The following TBC1D16 variants were observed in gnomAD, a reference collection of about 807,000 sequenced individuals.
TBC1D16 encodes TBC1 domain family member 16.
TBC1D16 carries 58 observed loss-of-function variants against 74.7 expected under a neutral mutation model. The ratio of observed to expected loss-of-function variants is 0.78; its 90% CI spans 0.63 to 0.97. The LOEUF is 0.97. Among genes scored for constraint, TBC1D16 ranks in the 50% least tolerant of loss-of-function variants. The pLI is 0.00. For missense variants in TBC1D16, 1,014 were observed against 1,079.5 expected, an observed-to-expected ratio of 0.94 and a Z score of 0.85; for synonymous variants, 493 against 474.7, an observed-to-expected ratio of 1.04 and a Z score of -0.50.
intron 1 of TBC1D16, among the ~76,000 whole-genome samples, chr17:80,016,860 G>T (rs1028950248): frequency 8.5e-5 from 13 of 152,176 alleles, no homozygotes; most frequent in Admixed American, 3.9e-4. Flanking sequence ...GTTCCAGCCA[G>T]CCCAGGAGTG....
intron 3 of TBC1D16, among the ~76,000 whole-genome samples, chr17:79,977,440 C>T (rs1195848042): frequency 6.6e-6 from 1 of 152,226 alleles, no homozygotes; most frequent in African/African-American, 2.4e-5. Flanking sequence ...TTCCCAGCAT[C>T]TGCAACCCAC....
At chr17:79,978,249 C>A (rs1464950015) in intron 3 of TBC1D16, among the ~76,000 whole-genome samples, 3 of 152,242 alleles carry the variant, frequency 2.0e-5, no homozygotes, top group Non-Finnish European at 4.4e-5. Flanking sequence ...CGGCACACTC[C>A]CAGAGCCAGA....
At chr17:80,020,626 C>A (rs2036252478) in intron 1 of TBC1D16, among the ~76,000 whole-genome samples, 1 of 149,736 alleles carries the variant, frequency 6.7e-6, no homozygotes, top group South Asian at 2.1e-4. Context: ...TAAATGCCAA[C>A]CCTCCATCTT....
At chr17:80,002,650 C>T (rs886651914) in intron 3 of TBC1D16, among the ~76,000 whole-genome samples, 5 of 152,270 alleles carry the variant, frequency 3.3e-5, no homozygotes, top group African/African-American at 9.6e-5. Context: ...CACCTTCCAT[C>T]CTCCCAGGAA....
At chr17:79,998,330 G>GTT (rs200641869) in intron 3 of TBC1D16, among the ~76,000 whole-genome samples, 4 of 149,486 alleles carry the variant, frequency 2.7e-5, no homozygotes, top group Non-Finnish European at 1.5e-5. Flanking sequence ...TCAGACTGGT[G>GTT]TTTTTTGTTT....
rs1264980065 is a variant in TBC1D16, at chr17:79,939,406, G to A, written c.*1453C>T. 1 of 152,260 alleles carries A rather than the reference G, an allele frequency of 6.6e-6. No individual in the cohort carries two copies. Among genetic ancestry groups the A allele is most frequent in the Admixed American group, 6.5e-5 (1 of 15,290 alleles). 9.4% of individuals were successfully genotyped at this position (152,260 alleles called of 1,614,324 possible). A position where few individuals can be genotyped will look rare whatever the true frequency, so the allele number is the denominator to read the frequency against. On this transcript the variant is annotated 3_prime_UTR_variant, in exon 12 of 12. Transcript: ENST00000310924. ...TGGTGACCTCCGCTTTCCTGCTGAG[G>A]AACACTGCTTTGAAGTGGCATGGCC...
At position 80,009,625 on chromosome 17, in the gene TBC1D16, GAA is replaced by G. The variant is rs2144659853; in HGVS notation, c.779+533_779+534del. ...CTACATCCATCCTCCACAGCTATGA[GAA>G]AGAGGGAGGCTGAAGCCTCCGGGGA... On this transcript the variant is annotated intron_variant, in intron 3 of 11. Coordinates refer to ENST00000310924, the MANE Select transcript of TBC1D16 (RefSeq NM_019020.4). The surrounding 1 kb of genome is among the most constrained non-coding windows in gnomAD (Gnocchi z 5.4). Among the ~76,000 whole-genome samples, 1 of 152,338 alleles carries G rather than the reference GAA, an allele frequency of 6.6e-6. No homozygotes were observed. Among genetic ancestry groups the G allele is most frequent in the Admixed American group, 6.5e-5 (1 of 15,304 alleles).
intron 1 of TBC1D16, among the ~76,000 whole-genome samples, chr17:80,034,004 C>G (rs1229321307): frequency 6.6e-6 from 1 of 152,224 alleles, no homozygotes; most frequent in Non-Finnish European, 1.5e-5. Flanking sequence ...TCTGTCACTC[C>G]TAACTGCATG....
chr17:79,966,681 G>A (rs1408366625), intron 3 of TBC1D16, among the ~76,000 whole-genome samples: 1 of 152,126 alleles, frequency 6.6e-6, no homozygotes, highest in African/African-American at 2.4e-5. Flanking sequence ...AAACTTATCA[G>A]TCTTTTTTTT....
rs2034904747 is a variant in TBC1D16, at chr17:79,987,910, A to T, written c.779+22250T>A. On this transcript the variant is annotated intron_variant, in intron 3 of 11. Transcript: ENST00000310924. The surrounding 1 kb of genome is among the most constrained non-coding windows in gnomAD (Gnocchi z 5.2). ...GGTGCTGGGAGATGCAGAGGCTCAG[A>T]AAAACCCTCCGAGGCTCTCGGATTT... is the stretch of plus-strand genomic sequence containing the variant. Among the ~76,000 whole-genome samples the T allele has an allele frequency of 2.0e-5, 3 of 152,066 alleles. No homozygotes were observed. The South Asian group carries it at 6.2e-4, about 31-fold the overall frequency.
At position 79,947,810 on chromosome 17, in the gene TBC1D16, G is replaced by A. The variant is rs147074461; in HGVS notation, c.1563C>T (p.Ala521=). The change falls in exon 9 of 12, where the codon GCC becomes GCT. Residue 521 remains alanine (A), a synonymous_variant. Transcript: ENST00000310924. The part of the protein sequence containing the change: ...ESMRRILLNY[A]VYNPAVGYSQ... ...AATAGCCGACGGCAGGGTTGTACAC[G>A]GCGTAGTTCAGCAGGATCCTCCTGG... 128 of 1,613,398 alleles carry A rather than the reference G, an allele frequency of 7.9e-5. No individual in the cohort carries two copies. In the African/African-American group the frequency reaches 1.1e-3, roughly 14 times the overall value.
At position 79,971,699 on chromosome 17, in the gene TBC1D16, G is replaced by A. The variant is rs2034110850; in HGVS notation, c.780-18881C>T. Reference sequence around the variant, plus strand: ...TCAACTTCTCTCAAGGAAGACCTGAGGAAGCTGGTGCCCGACCCACCAGGA... The same window carrying A: ...TCAACTTCTCTCAAGGAAGACCTGAAGAAGCTGGTGCCCGACCCACCAGGA... On this transcript the variant is annotated intron_variant, in intron 3 of 11. Coordinates refer to ENST00000310924, the MANE Select transcript of TBC1D16 (RefSeq NM_019020.4). This position sits in a 1 kb window ranked among gnomAD's most constrained non-coding sequence, Gnocchi z 4.6. 1.3e-5 allele frequency among the ~76,000 whole-genome samples: 2 copies of A among 152,200 alleles called. No individual in the cohort carries two copies. Among genetic ancestry groups the A allele is most frequent in the African/African-American group, 2.4e-5 (1 of 41,444 alleles).
intron 3 of TBC1D16, among the ~76,000 whole-genome samples, chr17:79,998,533 G>A (rs960615551): frequency 2.3e-5 from 1 of 44,360 alleles, no homozygotes; most frequent in Admixed American, 2.5e-4. Flanking sequence ...TTTTTTTTTT[G>A]TAGAGACAAG....
chr17:79,942,294 G>C, intron 10 of TBC1D16, 88 bp from the exon 11 acceptor site: 1 of 1,403,486 alleles, frequency 7.1e-7, no homozygotes, highest in Non-Finnish European at 9.7e-7. Context: ...GGGTGCGAGT[G>C]AGGGCTCCAG....
chr17:80,017,046 T>C (rs2036112947), intron 1 of TBC1D16, among the ~76,000 whole-genome samples: 1 of 151,958 alleles, frequency 6.6e-6, no homozygotes, highest in Non-Finnish European at 1.5e-5. Flanking sequence ...ATCTCAACCG[T>C]CTCCAGGGCC....
rs889837559 is a variant in TBC1D16 at position 80,030,761 on chromosome 17, G to GGGCAGA, written c.-63+5028_-63+5033dup. Among the ~76,000 whole-genome samples, 3 of 152,214 alleles carry GGGCAGA rather than the reference G, an allele frequency of 2.0e-5. No individual in the cohort carries two copies. In the South Asian group the frequency reaches 6.2e-4, roughly 32 times the overall value. On this transcript the variant is annotated intron_variant, in intron 1 of 11. Coordinates refer to ENST00000310924, the MANE Select transcript of TBC1D16 (RefSeq NM_019020.4). ...GCCCATGCCCACTAGTGACAGGCAGGGGCAGAGGCAGAGGCAGGCAGGGTG... is the reference window on the plus strand; with the variant it reads ...GCCCATGCCCACTAGTGACAGGCAGGGGCAGAGGCAGAGGCAGAGGCAGGCAGGGTG...
In TBC1D16 at chr17:80,019,283, G is replaced by T. The variant is rs191452280; in HGVS notation, c.-62-5674C>A. On this transcript the variant is annotated intron_variant, in intron 1 of 11. Coordinates refer to ENST00000310924, the MANE Select transcript of TBC1D16 (RefSeq NM_019020.4). ...AGGCAGAACCTCACTGTGGCTCTGC[G>T]AGGTGCGTCCCAACAGTGCAGCTTT... Among the ~76,000 whole-genome samples, 542 of 150,024 alleles carry T rather than the reference G, an allele frequency of 3.6e-3. 8 individuals carry two copies. The highest frequency in any genetic ancestry group is 6.8e-3 in the Middle Eastern group (2 of 294).
In TBC1D16 at chr17:80,010,478, G is replaced by A; in HGVS notation, c.461C>T (p.Ala154Val). Residue 154 changes from alanine to valine, a missense_variant, in exon 3 of 12, where the codon GCC (alanine) becomes GTC (valine). By Grantham distance (64) the Ala-to-Val change is moderately conservative (BLOSUM62 0). Coordinates refer to ENST00000310924, the MANE Select transcript of TBC1D16 (RefSeq NM_019020.4). This position sits in a 1 kb window ranked among gnomAD's most constrained non-coding sequence, Gnocchi z 8.8. ...VAQSVPDRML[A>V]SPAPEDEEKL... ...CTCCTCATCCTCTGGCGCAGGGCTG[G>A]CGAGCATGCGGTCTGGAACACTCTG... The A allele has an allele frequency of 6.2e-7, 1 of 1,610,396 alleles. No individual in the cohort carries two copies.
intron 1 of TBC1D16, among the ~76,000 whole-genome samples, chr17:80,021,818 C>T (rs1368885281): frequency 1.3e-5 from 2 of 150,518 alleles, no homozygotes; most frequent in African/African-American, 5.0e-5. Flanking sequence ...CACACACATC[C>T]ACCACAGATG....
Sources: allele counts gnomAD v4.1 joint callset (sites outside exome capture counted in the v4.1 genomes callset), GRCh38; gene constraint gnomAD v4.1.1; non-coding constraint Gnocchi (gnomAD v3.1); transcripts MANE v1.5; gene names NCBI Gene and HGNC (gene_info 2026-07-23, HGNC 2026-07-21).